The following PCSK2 variants were observed in gnomAD, a reference collection of about 807,000 sequenced individuals.
PCSK2 encodes neuroendocrine convertase 2.
In PCSK2, 14 loss-of-function variants were observed where a neutral mutation model predicts 69.7. The observed-to-expected ratio is 0.20, with a 90% CI of 0.13 to 0.31. PCSK2 has a LOEUF of 0.31. Ranked by LOEUF, PCSK2 falls within the 10% of genes least tolerant of loss-of-function variation. PCSK2 has a pLI of 1.00. For missense variants in PCSK2, 544 were observed against 842.5 expected, an observed-to-expected ratio of 0.65 and a Z score of 4.39; for synonymous variants, 307 against 320.7, an observed-to-expected ratio of 0.96 and a Z score of 0.46.
intron 5 of PCSK2, among the ~76,000 whole-genome samples, chr20:17,400,101 G>A (rs2031600915): frequency 1.3e-5 from 2 of 152,110 alleles, no homozygotes; most frequent in Admixed American, 1.3e-4. Flanking sequence ...TATTTCATGT[G>A]CTCCCCTAGC....
chr20:17,330,237 G>A (rs951007218), intron 2 of PCSK2, among the ~76,000 whole-genome samples: 2 of 152,124 alleles, frequency 1.3e-5, no homozygotes, highest in African/African-American at 4.8e-5. Flanking sequence ...GACTACCTAT[G>A]GGACAATACA....
chr20:17,276,968 A>G (rs1200401349), intron 2 of PCSK2, among the ~76,000 whole-genome samples: 1 of 152,194 alleles, frequency 6.6e-6, no homozygotes, highest in East Asian at 1.9e-4. Flanking sequence ...CCCATTCACA[A>G]TTGCTTCAAA....
chr20:17,275,343 C>T (rs987798948), intron 2 of PCSK2, among the ~76,000 whole-genome samples: 3 of 151,972 alleles, frequency 2.0e-5, no homozygotes, highest in African/African-American at 4.8e-5. Context: ...TTAGGAGTTC[C>T]GAGTTCTAAT....
intron 6 of PCSK2, among the ~76,000 whole-genome samples, chr20:17,413,168 T>C (rs2031917143): frequency 6.6e-6 from 1 of 152,286 alleles, no homozygotes; most frequent in African/African-American, 2.4e-5. Context: ...CAGAATCAAA[T>C]TCACACATAA....
intron 6 of PCSK2, among the ~76,000 whole-genome samples, chr20:17,415,529 A>C (rs2031979776): frequency 6.6e-6 from 1 of 152,236 alleles, no homozygotes; most frequent in Non-Finnish European, 1.5e-5. Context: ...GCTCAACAAA[A>C]GAGGACACAA....
At chr20:17,434,331 C>A (rs2032440308) in intron 7 of PCSK2, among the ~76,000 whole-genome samples, 1 of 151,630 alleles carries the variant, frequency 6.6e-6, no homozygotes, top group South Asian at 2.1e-4. Flanking sequence ...AGAGGAGAGG[C>A]CTTCCCTAAA....
At chr20:17,392,806 T>G (rs533167109) in intron 5 of PCSK2, among the ~76,000 whole-genome samples, 91 of 152,236 alleles carry the variant, frequency 6.0e-4, no homozygotes, top group Non-Finnish European at 1.1e-3. Flanking sequence ...TACCACAATG[T>G]GTTTATCTGT....
chr20:17,354,747 A>C (rs1055750487), intron 2 of PCSK2, among the ~76,000 whole-genome samples: 3 of 152,188 alleles, frequency 2.0e-5, no homozygotes, highest in African/African-American at 7.2e-5. Context: ...AGCATATTAC[A>C]ATTCTTATGG....
chr20:17,282,017 A>G (rs1000292969), intron 2 of PCSK2, among the ~76,000 whole-genome samples: 1 of 152,010 alleles, frequency 6.6e-6, no homozygotes, highest in African/African-American at 2.4e-5. Context: ...AATCCATAAC[A>G]GTTCTCTCCT....
Position 17,397,628 on chromosome 20 carries a change from G to A in PCSK2, c.544-11635G>A, listed in dbSNP as rs553006360. 2.2e-4 allele frequency among the ~76,000 whole-genome samples: 33 copies of A among 152,042 alleles called. No individual in the cohort carries two copies. In the South Asian group the frequency reaches 4.8e-3, roughly 22 times the overall value. ...CAAGTAGCTGAGATTACAGGTGCCC[G>A]CCACCATGCCCAGCTGATTTTTGTA... On this transcript the variant is annotated intron_variant, in intron 5 of 11. Transcript: ENST00000262545.
At chr20:17,312,689 C>T (rs6034795) in intron 2 of PCSK2, among the ~76,000 whole-genome samples, 32,264 of 151,854 alleles carry the variant, frequency 0.21, 3,840 homozygotes, top group Middle Eastern at 0.3. Flanking sequence ...ATTCTGATAA[C>T]ATTCTTCTCT....
Position 17,274,588 on chromosome 20 carries a change from G to T in PCSK2, c.282+14244G>T, listed in dbSNP as rs1258063266. Among the ~76,000 whole-genome samples, 7 of 152,156 alleles carry T rather than the reference G, an allele frequency of 4.6e-5. No homozygotes were observed. The East Asian group carries it at 1.4e-3, about 29-fold the overall frequency. ...CAGGTGGAGAGATTGATATACCGTGGGGAGAGAGAGAGGCCAAGGAGCACC... is the reference window on the plus strand; with the variant it reads ...CAGGTGGAGAGATTGATATACCGTGTGGAGAGAGAGAGGCCAAGGAGCACC... On this transcript the variant is annotated intron_variant, in intron 2 of 11. Coordinates refer to ENST00000262545, the MANE Select transcript of PCSK2 (RefSeq NM_002594.5).
intron 1 of PCSK2, among the ~76,000 whole-genome samples, chr20:17,248,057 C>A (rs142347976): frequency 3.5e-4 from 53 of 152,136 alleles, no homozygotes; most frequent in African/African-American, 1.2e-3. Context: ...ATACTGTCAC[C>A]CAGCCTGAAT....
chr20:17,241,586 T>C (rs1465188680), intron 1 of PCSK2, among the ~76,000 whole-genome samples: 2 of 152,222 alleles, frequency 1.3e-5, no homozygotes, highest in Non-Finnish European at 2.9e-5. Flanking sequence ...ATGATGCCAC[T>C]AGGAAGTCAG....
intron 1 of PCSK2, among the ~76,000 whole-genome samples, chr20:17,258,630 G>A (rs868221372): frequency 6.6e-6 from 1 of 152,092 alleles, no homozygotes; most frequent in Non-Finnish European, 1.5e-5. Context: ...CCCATGACAC[G>A]TGTTTACCTA....
At chr20:17,354,042 T>C (rs1302218557) in intron 2 of PCSK2, among the ~76,000 whole-genome samples, 2 of 152,194 alleles carry the variant, frequency 1.3e-5, no homozygotes, top group African/African-American at 4.8e-5. Flanking sequence ...AACTGCCTAT[T>C]GGGTACTATG....
chr20:17,342,244 G>C (rs61486706), intron 2 of PCSK2, among the ~76,000 whole-genome samples: 18,411 of 152,234 alleles, frequency 0.12, 1,239 homozygotes, highest in African/African-American at 0.16. Context: ...TGTTGAGATG[G>C]TGTTATTATT....
At chr20:17,300,865 G>A (rs890276183) in intron 2 of PCSK2, among the ~76,000 whole-genome samples, 3 of 152,144 alleles carry the variant, frequency 2.0e-5, no homozygotes, top group Non-Finnish European at 4.4e-5. Flanking sequence ...ATAATAGTGT[G>A]TAATAGTAAG....
At chr20:17,481,388 CAAAAA>C (rs3076146) in intron 11 of PCSK2, among the ~76,000 whole-genome samples, 191 bp from the exon 12 acceptor site, 918 of 65,658 alleles carry the variant, frequency 0.014, 32 homozygotes, top group African/African-American at 0.06. Context: ...TCTCAAAAGA[CAAAAA>C]AAAAAAAAAA....
Sources: allele counts gnomAD v4.1 joint callset (sites outside exome capture counted in the v4.1 genomes callset), GRCh38; gene constraint gnomAD v4.1.1; transcripts MANE v1.5; gene names NCBI Gene and HGNC (gene_info 2026-07-23, HGNC 2026-07-21).